Variants in ABL2 observed in about 807,000 individuals in gnomAD.
The protein encoded by ABL2 is ABL proto-oncogene 2, non-receptor tyrosine kinase.
ABL2 carries 49 observed loss-of-function variants against 107.7 expected under a neutral mutation model. The observed-to-expected ratio is 0.45, with a 90% confidence interval of 0.36 to 0.58. The LOEUF is 0.58. Ranked by LOEUF, ABL2 falls within the 20% of genes least tolerant of loss-of-function variation. The pLI, the probability that ABL2 is intolerant of heterozygous loss-of-function variation, is 0.00. For missense variants in ABL2, 1,245 were observed against 1,457.0 expected (o/e 0.85, Z 2.37); for synonymous variants, 549 against 548.6 (o/e 1.00, Z -0.01).
chr1:179,115,573 G>A (rs991397182), intron 8 of ABL2, among the ~76,000 whole-genome samples: 20 of 152,026 alleles, frequency 1.3e-4, no homozygotes, highest in African/African-American at 3.6e-4. Flanking sequence ...TATCCACACC[G>A]TAGATGCTAC....
At position 179,106,639 on chromosome 1, in the gene ABL2, C is replaced by T. The variant is rs537048694; in HGVS notation, c.*1079G>A. Reference sequence around the variant, plus strand: ...AAGGGAAGGGAAAGGTACAGAGAAACAGCCATTAGGACCAAGCCAGCTTTT... The same window carrying T: ...AAGGGAAGGGAAAGGTACAGAGAAATAGCCATTAGGACCAAGCCAGCTTTT... On this transcript the variant is annotated 3_prime_UTR_variant, in exon 12 of 12. Coordinates refer to ENST00000502732, the MANE Select transcript of ABL2 (RefSeq NM_007314.4). The T allele has an allele frequency of 1.9e-4, 43 of 232,300 alleles. No individual in the cohort carries two copies. The South Asian group carries it at 7.4e-3, about 40-fold the overall frequency. 14.4% of individuals were successfully genotyped at this position (232,300 alleles called of 1,614,324 possible).
rs1654158735 is a variant in ABL2 at position 179,112,250 on chromosome 1, T to C, written c.1651+59A>G. On this transcript the variant is annotated intron_variant, in intron 10 of 11. Coordinates refer to ENST00000502732, the MANE Select transcript of ABL2 (RefSeq NM_007314.4). ...CATTTTTGAAATGTAATTACCATTATCACCACCACCACCACTACCCAGAAT... is the reference window on the plus strand; with the variant it reads ...CATTTTTGAAATGTAATTACCATTACCACCACCACCACCACTACCCAGAAT... 2.1e-6 allele frequency: 3 copies of C among 1,439,786 alleles called. No homozygotes were observed. In the Admixed American group the frequency reaches 5.3e-5, roughly 25 times the overall value. 89.2% of individuals were successfully genotyped at this position (1,439,786 alleles called of 1,614,324 possible).
At chr1:179,154,363 A>G (rs1658552084) in intron 1 of ABL2, among the ~76,000 whole-genome samples, 1 of 152,184 alleles carries the variant, frequency 6.6e-6, no homozygotes, top group Non-Finnish European at 1.5e-5. Context: ...CCAGCTCTTC[A>G]TTCTTCTCAC....
chr1:179,132,838 G>A (rs997300258), intron 2 of ABL2, among the ~76,000 whole-genome samples: 14 of 128,898 alleles, frequency 1.1e-4, no homozygotes, highest in Admixed American at 4.0e-4. Flanking sequence ...CACCACACCC[G>A]GCTGACTTAT....
At chr1:179,145,895 A>ATT (rs11379606) in intron 1 of ABL2, among the ~76,000 whole-genome samples, 15,738 of 142,236 alleles carry the variant, frequency 0.11, 971 homozygotes, top group African/African-American at 0.12. Flanking sequence ...TCTGATCTCC[A>ATT]TTTTTTTTTT....
Position 179,103,910 on chromosome 1 carries a change from G to A in ABL2, c.*3808C>T. ...TAGTTTCTTAATCTATAAACCAAAGGGTTGGGGTACTGATAGTTTTCAGAT... is the reference window on the plus strand; with the variant it reads ...TAGTTTCTTAATCTATAAACCAAAGAGTTGGGGTACTGATAGTTTTCAGAT... On this transcript the variant is annotated 3_prime_UTR_variant, in exon 12 of 12. Coordinates refer to ENST00000502732, the MANE Select transcript of ABL2 (RefSeq NM_007314.4). 1 of 232,756 alleles carries A rather than the reference G, an allele frequency of 4.3e-6. No homozygotes were observed. Among genetic ancestry groups the A allele is most frequent in the East Asian group, 6.1e-5 (1 of 16,490 alleles). 14.4% of individuals were successfully genotyped at this position (232,756 alleles called of 1,614,324 possible).
At chr1:179,113,698 G>A (rs1654322759) in intron 9 of ABL2, among the ~76,000 whole-genome samples, 1 of 152,128 alleles carries the variant, frequency 6.6e-6, no homozygotes, top group Non-Finnish European at 1.5e-5. Context: ...GGAGGCCGAG[G>A]CAGGCGGATC....
rs553922293 is a variant in ABL2 at position 179,192,898 on chromosome 1, T to A, written c.157+36343A>T. On this transcript the variant is annotated intron_variant, in intron 1 of 11. Coordinates refer to ENST00000502732, the MANE Select transcript of ABL2 (RefSeq NM_007314.4). ...TTTTCTTTAAAGCATTAAGTCACAC[T>A]GTATTATGTCTATTTGAATTACTAC... 5.3e-5 allele frequency among the ~76,000 whole-genome samples: 8 copies of A among 152,350 alleles called. No homozygotes were observed. The South Asian group carries it at 1.4e-3, about 28-fold the overall frequency.
chr1:179,140,593 T>G (rs998432019), intron 1 of ABL2, among the ~76,000 whole-genome samples: 4 of 152,224 alleles, frequency 2.6e-5, no homozygotes, highest in African/African-American at 9.7e-5. Flanking sequence ...AGTGTCTACA[T>G]ATAAGAGGCT....
chr1:179,208,237 C>T (rs375391614), intron 1 of ABL2, among the ~76,000 whole-genome samples: 4 of 152,100 alleles, frequency 2.6e-5, no homozygotes, highest in Non-Finnish European at 2.9e-5. Context: ...GTTTGGGGTA[C>T]GAATAATCCT....
At chr1:179,229,167 T>TGCGGCCCCC in intron 1 of ABL2, 74 bp downstream of exon 1, 1 of 402,572 alleles carries the variant, frequency 2.5e-6, no homozygotes, top group Non-Finnish European at 4.6e-6. Context: ...GGGCAGCCCG[T>TGCGGCCCCC]CCGCCACCCA....
chr1:179,134,552 C>T (rs2793796), intron 1 of ABL2, among the ~76,000 whole-genome samples: 52,659 of 151,686 alleles, frequency 0.35, 9,479 homozygotes, highest in East Asian at 0.48. Flanking sequence ...TCTGCATCTG[C>T]GAACACCTAC....
At chr1:179,132,666 A>C (rs1201699834) in intron 2 of ABL2, among the ~76,000 whole-genome samples, 1 of 151,462 alleles carries the variant, frequency 6.6e-6, no homozygotes, top group African/African-American at 2.4e-5. Flanking sequence ...CAGCCTCCCA[A>C]GTAGCTGGGA....
At chr1:179,181,772 TTTTTA>T (rs747125826) in intron 1 of ABL2, among the ~76,000 whole-genome samples, 12 of 151,876 alleles carry the variant, frequency 7.9e-5, no homozygotes, top group Non-Finnish European at 8.8e-5. Context: ...CTTTTTTTAA[TTTTTA>T]TTTTATTTTA....
intron 1 of ABL2, among the ~76,000 whole-genome samples, chr1:179,161,266 C>A (rs1374358771): frequency 6.6e-6 from 1 of 151,772 alleles, no homozygotes; most frequent in Non-Finnish European, 1.5e-5. Flanking sequence ...ATCTGTAATT[C>A]CAGCTTCTTG....
rs1466994197 is a variant in ABL2 at position 179,145,920 on chromosome 1, G to T, written c.158-12546C>A. 2.0e-5 allele frequency among the ~76,000 whole-genome samples: 3 copies of T among 150,766 alleles called. No individual in the cohort carries two copies. In the East Asian group the frequency reaches 5.8e-4, roughly 29 times the overall value. On this transcript the variant is annotated intron_variant, in intron 1 of 11. Transcript: ENST00000502732. Reference sequence around the variant, plus strand: ...ATTTTTTTTTTTTTTTTGAGACAGGGTCTTGCTCTGTCTCCCAGGCTGGGG... The same window carrying T: ...ATTTTTTTTTTTTTTTTGAGACAGGTTCTTGCTCTGTCTCCCAGGCTGGGG...
chr1:179,124,931 C>T (rs1392026524), intron 4 of ABL2, among the ~76,000 whole-genome samples: 1 of 152,146 alleles, frequency 6.6e-6, no homozygotes, highest in Non-Finnish European at 1.5e-5. Context: ...GTTGTCCAAC[C>T]ATCATGACTA....
intron 1 of ABL2, among the ~76,000 whole-genome samples, chr1:179,199,179 G>C (rs369035604): frequency 1.3e-5 from 2 of 152,260 alleles, no homozygotes; most frequent in East Asian, 3.9e-4. Flanking sequence ...TTTGTGATGA[G>C]GGAATGAGGT....
intron 1 of ABL2, among the ~76,000 whole-genome samples, chr1:179,211,549 G>A (rs1349952012): frequency 6.6e-6 from 1 of 151,966 alleles, no homozygotes; most frequent in Non-Finnish European, 1.5e-5. Context: ...ATTTTTATAA[G>A]TGCAATTAAA....
Sources: gnomAD v4.1 joint callset for allele counts (sites outside exome capture counted in the v4.1 genomes callset) on GRCh38, gnomAD v4.1.1 for gene constraint, MANE v1.5 for transcripts, NCBI Gene and HGNC (gene_info 2026-07-23, HGNC 2026-07-21) for gene names.